CDCA2: variants seen among roughly 807,000 people sequenced by gnomAD.
CDCA2 encodes the protein cell division cycle-associated protein 2.
A neutral mutation model predicts 67.0 loss-of-function variants in CDCA2; 44 were observed. The ratio of observed to expected loss-of-function variants is 0.66; its 90% CI spans 0.52 to 0.84. The LOEUF is 0.84. Ranked by LOEUF, CDCA2 falls within the 40% of genes least tolerant of loss-of-function variation. CDCA2 has a pLI of 0.00. For missense variants in CDCA2, 1,253 were observed against 1,203.2 expected (o/e 1.04, Z -0.61); for synonymous variants, 447 against 418.7 (o/e 1.07, Z -0.82).
intron 4 of CDCA2, 151 bp downstream of exon 4, chr8:25,462,359 G>A (rs1802728556): frequency 4.9e-6 from 4 of 822,340 alleles, no homozygotes; most frequent in African/African-American, 1.7e-5. Flanking sequence ...GGGCGCGGTG[G>A]CTCACGCCTA....
At chr8:25,503,788 A>G (rs1804569908) in intron 14 of CDCA2, among the ~76,000 whole-genome samples, 1 of 152,214 alleles carries the variant, frequency 6.6e-6, no homozygotes, top group Non-Finnish European at 1.5e-5. Context: ...GAAAACCGAG[A>G]CACAAGATTT....
intron 11 of CDCA2, among the ~76,000 whole-genome samples, chr8:25,486,552 C>G (rs1803782751): frequency 6.6e-6 from 1 of 151,890 alleles, no homozygotes; most frequent in Non-Finnish European, 1.5e-5. Flanking sequence ...CCTGTAATCC[C>G]TTTACTTTGG....
intron 13 of CDCA2, among the ~76,000 whole-genome samples, chr8:25,495,449 C>T (rs1335145515): frequency 6.6e-6 from 1 of 151,440 alleles, no homozygotes; most frequent in Non-Finnish European, 1.5e-5. Context: ...GAGTCTTGCT[C>T]TGTCACCCAG....
chr8:25,507,444 A>G lies in CDCA2; in HGVS notation c.2778A>G (p.Thr926=), dbSNP rs6990278. ...AAGCCAAAAGAAGAACAATATGTAC[A>G]TTTGACAGCAGTGGATTTGAAAGTA... The part of the protein sequence containing the change: ...SQKAKRRTIC[T]FDSSGFESMS... The change falls in exon 15 of 15, where the codon ACA becomes ACG. Residue 926 remains threonine, a synonymous_variant. Coordinates refer to ENST00000330560, the MANE Select transcript of CDCA2 (RefSeq NM_152562.4). 323,020 of 1,613,834 alleles carry G rather than the reference A, an allele frequency of 0.2. 32,912 individuals carry two copies. The highest frequency in any genetic ancestry group is 0.23 in the Middle Eastern group (1,403 of 6,062).
At chr8:25,479,768 C>A in intron 7 of CDCA2, 145 bp from the exon 8 acceptor site, 1 of 709,410 alleles carries the variant, frequency 1.4e-6, no homozygotes, top group East Asian at 2.7e-5. Context: ...CAAATGAAAT[C>A]CCAGACGTTA....
chr8:25,481,488 A>G (rs1343089443), intron 8 of CDCA2, among the ~76,000 whole-genome samples: 1 of 152,168 alleles, frequency 6.6e-6, no homozygotes, highest in Non-Finnish European at 1.5e-5. Context: ...CAGGAGATAG[A>G]GACCGTCCTG....
At chr8:25,484,282 A>G (rs1364785713) in intron 10 of CDCA2, 72 bp downstream of exon 10, 4 of 1,538,564 alleles carry the variant, frequency 2.6e-6, no homozygotes, top group African/African-American at 1.4e-5. Context: ...TGCATGAGCA[A>G]TAACTATGCT....
chr8:25,461,696 G>T (rs1024086449), intron 3 of CDCA2, among the ~76,000 whole-genome samples: 2 of 152,078 alleles, frequency 1.3e-5, no homozygotes, highest in Non-Finnish European at 2.9e-5. Context: ...AGTTGCTGGG[G>T]ATAAAACTGA....
intron 10 of CDCA2, 139 bp downstream of exon 10, chr8:25,484,349 A>T: frequency 1.6e-6 from 2 of 1,230,982 alleles, no homozygotes; most frequent in Non-Finnish European, 2.2e-6. Context: ...TCTATTTTGT[A>T]TGTAGGTTTT....
chr8:25,464,250 C>T (rs1262728781), intron 4 of CDCA2, among the ~76,000 whole-genome samples: 3 of 152,124 alleles, frequency 2.0e-5, no homozygotes, highest in African/African-American at 4.8e-5. Context: ...TCCATCTCTA[C>T]AGAAAAATTT....
chr8:25,465,164 T>C (rs1802851534), intron 4 of CDCA2, among the ~76,000 whole-genome samples: 1 of 152,098 alleles, frequency 6.6e-6, no homozygotes, highest in African/African-American at 2.4e-5. Flanking sequence ...CGTAGAGACA[T>C]GGTTTCACCA....
At chr8:25,491,773 C>T (rs1160287608) in intron 13 of CDCA2, among the ~76,000 whole-genome samples, 6 of 151,922 alleles carry the variant, frequency 3.9e-5, no homozygotes, top group Non-Finnish European at 7.4e-5. Flanking sequence ...CACGCCACCA[C>T]GCTTGGCTAG....
intron 7 of CDCA2, among the ~76,000 whole-genome samples, chr8:25,475,467 C>T (rs991215722): frequency 4.6e-5 from 7 of 152,150 alleles, no homozygotes; most frequent in South Asian, 4.1e-4. Context: ...TGCAGTGAGC[C>T]GAGATTGCAC....
Position 25,468,288 on chromosome 8 carries a change from A to G in CDCA2, c.610A>G (p.Ile204Val), listed in dbSNP as rs1266701220. ...PAVLSSKRRRISYQRDSDENL... is the reference protein window; with the variant it reads ...PAVLSSKRRRVSYQRDSDENL... ...AGTGTTGTCCTCCAAACGTCGGAGA[A>G]TATCCTATCAGAGAGACTCTGATGA... The change falls in exon 6 of 15, where the codon ATA becomes GTA. Residue 204 changes from isoleucine to valine, a missense_variant. Coordinates refer to ENST00000330560, the MANE Select transcript of CDCA2 (RefSeq NM_152562.4). 6.2e-7 allele frequency: 1 copy of G among 1,613,924 alleles called. No individual in the cohort carries two copies. The highest frequency in any genetic ancestry group is 8.5e-7 in the Non-Finnish European group (1 of 1,179,948).
chr8:25,461,790 A>T (rs1336858206), intron 3 of CDCA2, among the ~76,000 whole-genome samples: 1 of 152,208 alleles, frequency 6.6e-6, no homozygotes, highest in African/African-American at 2.4e-5. Context: ...AAAACTTAAA[A>T]TGTGTTCATG....
Position 25,506,616 on chromosome 8 carries a change from C to G in CDCA2, c.1950C>G (p.Gly650=), listed in dbSNP as rs140370032. The G allele has an allele frequency of 3.7e-6, 6 of 1,613,024 alleles. No individual in the cohort carries two copies. Among genetic ancestry groups the G allele is most frequent in the Non-Finnish European group, 5.1e-6 (6 of 1,179,828 alleles). ...ACCCAGATTTGCATATGCATCAAGGCTATGATAAATATGATGTCTCTGAAT... is the reference window on the plus strand; with the variant it reads ...ACCCAGATTTGCATATGCATCAAGGGTATGATAAATATGATGTCTCTGAAT... The part of the protein sequence containing the change: ...RHDPDLHMHQ[G]YDKYDVSEFC... Residue 650 remains glycine, a synonymous_variant, in exon 15 of 15, where the codon GGC becomes GGG. Transcript: ENST00000330560.
In CDCA2 at chr8:25,459,281, A is replaced by G. The variant is rs1338198476; in HGVS notation, c.-193A>G. ...CAGGCCAGGATCAGCGCAGGCTGTGAGTCCAGGTCAGCCGTCGGGACCTCG... is the reference window on the plus strand; with the variant it reads ...CAGGCCAGGATCAGCGCAGGCTGTGGGTCCAGGTCAGCCGTCGGGACCTCG... On this transcript the variant is annotated 5_prime_UTR_variant, in exon 1 of 15. Coordinates refer to ENST00000330560, the MANE Select transcript of CDCA2 (RefSeq NM_152562.4). 6.6e-6 allele frequency: 1 copy of G among 152,310 alleles called. No homozygotes were observed. Among genetic ancestry groups the G allele is most frequent in the Non-Finnish European group, 1.5e-5 (1 of 68,156 alleles). The allele number at this position is 152,310 out of a possible 1,614,324, so 9.4% of individuals were successfully genotyped here.
intron 8 of CDCA2, among the ~76,000 whole-genome samples, chr8:25,481,993 C>G (rs948068195): frequency 1.5e-4 from 23 of 152,232 alleles, no homozygotes; most frequent in African/African-American, 5.3e-4. Context: ...ATGAGGAATT[C>G]TTGATAACAA....
chr8:25,504,460 T>G (rs1265599257), intron 14 of CDCA2, among the ~76,000 whole-genome samples: 1 of 152,112 alleles, frequency 6.6e-6, no homozygotes, highest in Non-Finnish European at 1.5e-5. Flanking sequence ...CCATTTGGTG[T>G]GTTGATTTGT....
Sources: allele counts gnomAD v4.1 joint callset (sites outside exome capture counted in the v4.1 genomes callset), GRCh38; gene constraint gnomAD v4.1.1; transcripts MANE v1.5; gene names NCBI Gene and HGNC (gene_info 2026-07-23, HGNC 2026-07-21).